Variants in NWD1 observed in about 807,000 individuals in gnomAD.
NWD1 encodes the protein NACHT domain- and WD repeat-containing protein 1.
In NWD1, 129 loss-of-function variants were observed where a neutral mutation model predicts 135.1. The observed-to-expected ratio is 0.96, with a 90% CI of 0.83 to 1.11. NWD1 has a LOEUF of 1.11. NWD1 is among the 50% of genes least tolerant of loss of function. The pLI is 0.00. For missense variants in NWD1, 1,740 were observed against 1,851.3 expected (o/e 0.94, Z 1.10); for synonymous variants, 773 against 786.0 (o/e 0.98, Z 0.28).
chr19:16,772,718 C>T (rs1969459244), intron 10 of NWD1, among the ~76,000 whole-genome samples: 1 of 151,638 alleles, frequency 6.6e-6, no homozygotes, highest in Non-Finnish European at 1.5e-5. Flanking sequence ...GCCTGTAGTC[C>T]CTAGTATTTG....
At chr19:16,763,987 T>G in intron 9 of NWD1, 42 bp downstream of exon 9, 3 of 1,164,166 alleles carry the variant, frequency 2.6e-6, no homozygotes, top group Non-Finnish European at 3.9e-6. Flanking sequence ...GCCTGGTGAC[T>G]GCACCACGCT....
intron 2 of NWD1, among the ~76,000 whole-genome samples, chr19:16,727,043 C>T (rs1217764203): frequency 3.9e-5 from 6 of 152,128 alleles, no homozygotes; most frequent in Admixed American, 6.6e-5. Flanking sequence ...TTTCGTCAAG[C>T]GGTTGTCTTT....
At chr19:16,765,832 T>C (rs1969201961) in intron 10 of NWD1, among the ~76,000 whole-genome samples, 1 of 151,746 alleles carries the variant, frequency 6.6e-6, no homozygotes, top group Non-Finnish European at 1.5e-5. Context: ...GCCTGGTCAA[T>C]ATGGTGAAAC....
Position 16,744,508 on chromosome 19 carries a change from G to A in NWD1, c.286G>A (p.Ala96Thr). The A allele has an allele frequency of 6.5e-7, 1 of 1,535,874 alleles. No individual in the cohort carries two copies. The highest frequency in any genetic ancestry group is 2.4e-5 in the East Asian group (1 of 40,912). Reference sequence around the variant, plus strand: ...GGAGGTATTGAGGGACCATCTGACTGCCAGGCCAAGTGACCTGGAGCTGGT... The same window carrying A: ...GGAGGTATTGAGGGACCATCTGACTACCAGGCCAAGTGACCTGGAGCTGGT... ...EWEVLRDHLTARPSDLELVAR... is the reference protein window; with the variant it reads ...EWEVLRDHLTTRPSDLELVAR... The change falls in exon 5 of 19, where the codon GCC becomes ACC. Residue 96 changes from alanine (A) to threonine (T), a missense_variant. Transcript: ENST00000524140.
chr19:16,736,756 T>C lies in NWD1; in HGVS notation c.198+6T>C. 1 of 1,490,074 alleles carries C rather than the reference T, an allele frequency of 6.7e-7. No individual in the cohort carries two copies. Among genetic ancestry groups the C allele is most frequent in the Non-Finnish European group, 9.1e-7 (1 of 1,104,628 alleles). 92.3% of individuals were successfully genotyped at this position (1,490,074 alleles called of 1,614,324 possible). On this transcript the variant is annotated splice_donor_region_variant and intron_variant, in intron 4 of 18. Transcript: ENST00000524140. ...CCATAGGGCCAGCTTTTGTTGTGAG[T>C]GTCTTGGGAGGAATGGGTTAGCTCT...
intron 10 of NWD1, among the ~76,000 whole-genome samples, chr19:16,770,702 C>T (rs141531770): frequency 1.1e-3 from 170 of 152,160 alleles, no homozygotes; most frequent in South Asian, 4.6e-3. Flanking sequence ...GAAGAGTACG[C>T]GCATCAGTTC....
At chr19:16,720,891 C>T (rs182702757) in intron 1 of NWD1, among the ~76,000 whole-genome samples, 1 of 151,726 alleles carries the variant, frequency 6.6e-6, no homozygotes, top group East Asian at 1.9e-4. Flanking sequence ...TGCTCTGTTG[C>T]CCAGGCTGGA....
At chr19:16,773,615 C>G (rs937442609) in intron 11 of NWD1, among the ~76,000 whole-genome samples, 2 of 152,184 alleles carry the variant, frequency 1.3e-5, no homozygotes, top group African/African-American at 2.4e-5. Context: ...CAGCTATTTA[C>G]AAGCTCATGC....
At position 16,744,666 on chromosome 19, in the gene NWD1, C is replaced by T. The variant is rs1166658140; in HGVS notation, c.444C>T (p.Ala148=). Residue 148 remains alanine, a synonymous_variant, in exon 5 of 19, where the codon GCC becomes GCT. Transcript: ENST00000524140. ...TSVLRSGAQE[A]RRLGLITQEQ... The stretch of plus-strand genomic sequence containing the variant: ...TCCTACGCTCTGGAGCCCAGGAGGC[C>T]CGGAGGCTGGGGCTCATCACCCAGG... 3 of 1,535,718 alleles carry T rather than the reference C, an allele frequency of 2.0e-6. No individual in the cohort carries two copies. The highest frequency in any genetic ancestry group is 3.9e-5 in the Admixed American group (2 of 50,912).
Position 16,749,216 on chromosome 19 carries a change from A to T in NWD1, c.574A>T (p.Ile192Phe), listed in dbSNP as rs1180242575. The T allele has an allele frequency of 1.2e-6, 2 of 1,613,988 alleles. No homozygotes were observed. Among genetic ancestry groups the T allele is most frequent in the Non-Finnish European group, 1.7e-6 (2 of 1,179,970 alleles). The stretch of plus-strand genomic sequence containing the variant: ...GGGAGCCACCGTCTTCCTTAGAGAG[A>T]TCCAAGACCTCCACAAACACATCCT... ...EQGATVFLRE[I>F]QDLHKHILED... Residue 192 changes from isoleucine (I) to phenylalanine (F), a missense_variant, in exon 6 of 19, where the codon ATC (isoleucine) becomes TTC (phenylalanine). Coordinates refer to ENST00000524140, the MANE Select transcript of NWD1 (RefSeq NM_001007525.5).
chr19:16,742,641 G>A (rs577229025), intron 4 of NWD1, among the ~76,000 whole-genome samples: 2 of 151,956 alleles, frequency 1.3e-5, no homozygotes, highest in South Asian at 4.2e-4. Context: ...ACCACCACAA[G>A]ATTTAATTTA....
intron 2 of NWD1, among the ~76,000 whole-genome samples, chr19:16,729,874 T>TA (rs1445568716): frequency 3.0e-5 from 3 of 100,490 alleles, no homozygotes; most frequent in African/African-American, 7.4e-5. Flanking sequence ...TCTCAAAAAA[T>TA]AAAAAAAGAG....
rs372464599 is a variant in NWD1, at chr19:16,749,252, G to T, written c.610G>T (p.Ala204Ser). 3 of 1,614,016 alleles carry T rather than the reference G, an allele frequency of 1.9e-6. No homozygotes were observed. Among genetic ancestry groups the T allele is most frequent in the African/African-American group, 2.7e-5 (2 of 75,004 alleles). Reference sequence around the variant, plus strand: ...CCACAAACACATCCTTGAAGACTGCGCCCTTAGGATGGTGGACCGGCTCGC... The same window carrying T: ...CCACAAACACATCCTTGAAGACTGCTCCCTTAGGATGGTGGACCGGCTCGC... ...DLHKHILEDCALRMVDRLADG... is the reference protein window; with the variant it reads ...DLHKHILEDCSLRMVDRLADG... Residue 204 changes from alanine (A) to serine (S), a missense_variant, in exon 6 of 19, where the codon GCC (alanine) becomes TCC (serine). By Grantham distance (99) the Ala-to-Ser change is moderately conservative. Transcript: ENST00000524140.
intron 11 of NWD1, among the ~76,000 whole-genome samples, chr19:16,773,626 T>C (rs1969493059): frequency 6.6e-6 from 1 of 152,140 alleles, no homozygotes; most frequent in Non-Finnish European, 1.5e-5. Flanking sequence ...AAGCTCATGC[T>C]AGTAATTCTG....
chr19:16,785,765 CA>C (rs1256867401), intron 12 of NWD1, among the ~76,000 whole-genome samples: 1 of 146,086 alleles, frequency 6.8e-6, no homozygotes, highest in African/African-American at 2.6e-5. Context: ...TACATATATA[CA>C]AAAACAAATA....
chr19:16,757,036 C>T (rs1317993336), intron 6 of NWD1, among the ~76,000 whole-genome samples: 1 of 152,070 alleles, frequency 6.6e-6, no homozygotes, highest in Non-Finnish European at 1.5e-5. Flanking sequence ...AAAACAAGCT[C>T]AGGGCTCCCA....
At chr19:16,734,204 C>T (rs1052993567) in intron 3 of NWD1, among the ~76,000 whole-genome samples, 1 of 152,146 alleles carries the variant, frequency 6.6e-6, no homozygotes, top group Non-Finnish European at 1.5e-5. Context: ...AGTGTGGACA[C>T]GTCCTTGCTT....
chr19:16,789,716 C>CTTTTTTTT (rs11383216), intron 13 of NWD1, among the ~76,000 whole-genome samples: 2 of 119,572 alleles, frequency 1.7e-5, no homozygotes, highest in African/African-American at 3.3e-5. Context: ...TCCTCTCTCT[C>CTTTTTTTT]TTTTTTTTTT....
At chr19:16,763,408 C>T (rs529639400) in intron 8 of NWD1, among the ~76,000 whole-genome samples, 16 of 152,276 alleles carry the variant, frequency 1.1e-4, no homozygotes, top group Middle Eastern at 3.4e-3. Flanking sequence ...ACTCTCATTT[C>T]CCACCCGCAT....
Sources: allele counts gnomAD v4.1 joint callset (sites outside exome capture counted in the v4.1 genomes callset), GRCh38; gene constraint gnomAD v4.1.1; transcripts MANE v1.5; gene names NCBI Gene and HGNC (gene_info 2026-07-23, HGNC 2026-07-21).